KDM4B: variants seen among roughly 807,000 people sequenced by gnomAD.
KDM4B encodes lysine-specific demethylase 4B.
A neutral mutation model predicts 125.2 loss-of-function variants in KDM4B; 32 were observed. The ratio of observed to expected loss-of-function variants is 0.26; its 90% CI spans 0.19 to 0.34. The LOEUF (loss-of-function observed/expected upper bound fraction) is 0.34, where lower values mean the gene tolerates loss of function less well. KDM4B is among the 10% of genes least tolerant of loss of function. The pLI, the probability that KDM4B is intolerant of heterozygous loss-of-function variation, is 1.00. For synonymous variants in KDM4B, 721 were observed against 677.9 expected, an observed-to-expected ratio of 1.06 and a Z score of -0.99; for missense variants, 1,190 against 1,577.7, an observed-to-expected ratio of 0.75 and a Z score of 4.16.
At chr19:5,033,312 C>T (rs775545069) in intron 3 of KDM4B, among the ~76,000 whole-genome samples, 2 of 152,210 alleles carry the variant, frequency 1.3e-5, no homozygotes, top group Non-Finnish European at 2.9e-5. Flanking sequence ...GCAGTGAAGC[C>T]CAGGGGCAGT....
intron 2 of KDM4B, among the ~76,000 whole-genome samples, chr19:5,018,784 G>A (rs777749228): frequency 1.7e-4 from 26 of 152,196 alleles, no homozygotes; most frequent in Non-Finnish European, 3.7e-4. Flanking sequence ...GGCCTGTCCT[G>A]GACATCTCAT....
chr19:5,128,908 G>A (rs2039496589), intron 11 of KDM4B, among the ~76,000 whole-genome samples: 1 of 151,986 alleles, frequency 6.6e-6, no homozygotes, highest in African/African-American at 2.4e-5. Context: ...CCAGCGGAGG[G>A]GAAGACTGCG....
chr19:5,129,938 C>T (rs1016829755), intron 11 of KDM4B, among the ~76,000 whole-genome samples: 5 of 152,236 alleles, frequency 3.3e-5, no homozygotes, highest in South Asian at 2.1e-4. Context: ...TGCCCCGGCA[C>T]GAGCTTCCCA....
chr19:5,135,646 G>T (rs1393290405), intron 15 of KDM4B, 85 bp downstream of exon 15: 4 of 1,191,574 alleles, frequency 3.4e-6, no homozygotes, highest in Admixed American at 2.2e-5. Flanking sequence ...ATCCTCCCCT[G>T]CGGAGGGCCA....
intron 3 of KDM4B, among the ~76,000 whole-genome samples, chr19:5,037,004 G>A (rs1254515344): frequency 6.6e-6 from 1 of 152,274 alleles, no homozygotes. Flanking sequence ...GTGGCTCCCA[G>A]ATGTCTTTAC....
At chr19:5,147,787 C>T (rs887196236) in intron 21 of KDM4B, among the ~76,000 whole-genome samples, 3 of 148,218 alleles carry the variant, frequency 2.0e-5, no homozygotes, top group Non-Finnish European at 4.5e-5. Flanking sequence ...GTGCTCGGGG[C>T]GGGGGGGCAG....
At chr19:5,026,587 C>T (rs263065) in intron 2 of KDM4B, among the ~76,000 whole-genome samples, 50 of 152,264 alleles carry the variant, frequency 3.3e-4, no homozygotes, top group African/African-American at 1.0e-3. Context: ...CTGCCTGGCA[C>T]GTGGTGGGGC....
Position 5,025,845 on chromosome 19 carries a change from CTT to C in KDM4B, c.-25-7017_-25-7016del, listed in dbSNP as rs537346331. Among the ~76,000 whole-genome samples the C allele has an allele frequency of 1.6e-3, 246 of 152,202 alleles. 1 individual carries two copies. Among genetic ancestry groups the C allele is most frequent in the African/African-American group, 5.5e-3 (228 of 41,558 alleles). ...CTGGTCCCAAACCAACTTCATTTGTCTTTTTCCTTTTTTTTAAATTTATTTAT... is the reference window on the plus strand; with the variant it reads ...CTGGTCCCAAACCAACTTCATTTGTCTTTCCTTTTTTTTAAATTTATTTAT... On this transcript the variant is annotated intron_variant, in intron 2 of 22. Transcript: ENST00000159111.
At chr19:5,023,425 G>A (rs1284385038) in intron 2 of KDM4B, among the ~76,000 whole-genome samples, 3 of 152,222 alleles carry the variant, frequency 2.0e-5, no homozygotes, top group Non-Finnish European at 4.4e-5. Context: ...TGGCGTTCTC[G>A]TGCTGCCTCT....
chr19:5,071,996 A>G (rs2037963716), intron 7 of KDM4B, among the ~76,000 whole-genome samples: 1 of 152,100 alleles, frequency 6.6e-6, no homozygotes, highest in Non-Finnish European at 1.5e-5. Flanking sequence ...TGTTCCTCTG[A>G]CAGCATTGAG....
At chr19:5,098,689 A>G (rs976955738) in intron 9 of KDM4B, among the ~76,000 whole-genome samples, 1 of 152,122 alleles carries the variant, frequency 6.6e-6, no homozygotes, top group South Asian at 2.1e-4. Context: ...CGACGAGGGC[A>G]TGAGGGTGAT....
At chr19:4,983,737 G>A (rs197154) in intron 1 of KDM4B, among the ~76,000 whole-genome samples, 127,270 of 152,122 alleles carry the variant, frequency 0.84, 53,923 homozygotes, top group Non-Finnish European at 0.91. Context: ...TTGTGGATCA[G>A]CACCGCCCAG....
At position 5,114,334 on chromosome 19, in the gene KDM4B, C is replaced by T. The variant is rs959599882; in HGVS notation, c.1115+3516C>T. 1.0e-5 allele frequency: 9 copies of T among 859,776 alleles called. No homozygotes were observed. Among genetic ancestry groups the T allele is most frequent in the Non-Finnish European group, 1.5e-5 (9 of 596,196 alleles). The allele number at this position is 859,776 out of a possible 1,614,324, so 53.3% of individuals were successfully genotyped here. On this transcript the variant is annotated intron_variant, in intron 10 of 22. Transcript: ENST00000159111. This position sits in a 1 kb window ranked among gnomAD's most constrained non-coding sequence, Gnocchi z 5.8. ...GCCTCGTCTCCCCTACCCCTCCGAG[C>T]TCGGTGCTGCCTGTCCCCTCCTGCT...
chr19:5,083,985 G>A (rs1392633554), intron 9 of KDM4B, among the ~76,000 whole-genome samples: 1 of 152,154 alleles, frequency 6.6e-6, no homozygotes, highest in Non-Finnish European at 1.5e-5. Context: ...GGTGGCTTAT[G>A]CCTGTAATCC....
chr19:5,134,968 C>T lies in KDM4B; in HGVS notation c.2086-371C>T, dbSNP rs111896194. ...GGCCTGGAATGCCACTTCAGACATG[C>T]GTCTTCCTAATTCCCCTTGCCAGGC... is the stretch of plus-strand genomic sequence containing the variant. On this transcript the variant is annotated intron_variant, in intron 14 of 22. Coordinates refer to ENST00000159111, the MANE Select transcript of KDM4B (RefSeq NM_015015.3). Among the ~76,000 whole-genome samples the T allele has an allele frequency of 7.2e-5, 11 of 152,360 alleles. 1 individual carries two copies. The highest frequency in any genetic ancestry group is 1.7e-4 in the African/African-American group (7 of 41,580).
intron 11 of KDM4B, among the ~76,000 whole-genome samples, chr19:5,123,752 C>A (rs565987413): frequency 6.6e-6 from 1 of 152,196 alleles, no homozygotes; most frequent in African/African-American, 2.4e-5. Context: ...GAGCATGGGT[C>A]GTGCTGGTAG....
intron 1 of KDM4B, among the ~76,000 whole-genome samples, chr19:4,993,466 C>T (rs1451997785): frequency 1.3e-5 from 2 of 151,324 alleles, no homozygotes; most frequent in Non-Finnish European, 2.9e-5. Context: ...TGTTGAATTA[C>T]TTCTCCTTTT....
At chr19:5,126,867 C>A (rs74614939) in intron 11 of KDM4B, among the ~76,000 whole-genome samples, 8,761 of 152,312 alleles carry the variant, frequency 0.058, 295 homozygotes, top group African/African-American at 0.075. Context: ...GAGGGAGGGG[C>A]CCCATAAGCC....
chr19:5,152,017 C>A lies in KDM4B; in HGVS notation c.*506C>A, dbSNP rs1212513852. The A allele has an allele frequency of 6.6e-6, 1 of 152,544 alleles. No individual in the cohort carries two copies. Among genetic ancestry groups the A allele is most frequent in the Non-Finnish European group, 1.5e-5 (1 of 68,298 alleles). The allele number at this position is 152,544 out of a possible 1,614,324, so 9.4% of individuals were successfully genotyped here. A position where few individuals can be genotyped will look rare whatever the true frequency, so the allele number is the denominator to read the frequency against. On this transcript the variant is annotated 3_prime_UTR_variant, in exon 23 of 23. Coordinates refer to ENST00000159111, the MANE Select transcript of KDM4B (RefSeq NM_015015.3). ...ACCAGGATTCTCTGAGAGGTCAGAG[C>A]ATCTCGCTGTTTTTTTGTTGTTGTT...
Sources: gnomAD v4.1 joint callset for allele counts (sites outside exome capture counted in the v4.1 genomes callset) on GRCh38, gnomAD v4.1.1 for gene constraint, Gnocchi (gnomAD v3.1) non-coding constraint, MANE v1.5 for transcripts, NCBI Gene and HGNC (gene_info 2026-07-23, HGNC 2026-07-21) for gene names.